The following TLK2 variants were observed in gnomAD, a reference collection of about 807,000 sequenced individuals.
TLK2 encodes the protein tousled like kinase 2.
A neutral mutation model predicts 117.3 loss-of-function variants in TLK2; 6 were observed. The observed-to-expected ratio is 0.05, with a 90% CI of 0.03 to 0.10. The LOEUF is 0.10. Ranked by LOEUF, TLK2 falls within the 10% of genes least tolerant of loss-of-function variation. The pLI is 1.00. For synonymous variants in TLK2, 257 were observed against 316.7 expected (o/e 0.81, Z 2.00); for missense variants, 299 against 901.2 (o/e 0.33, Z 8.56).
chr17:62,537,432 C>T (rs1424065067), intron 7 of TLK2, among the ~76,000 whole-genome samples: 6 of 152,174 alleles, frequency 3.9e-5, no homozygotes, highest in African/African-American at 1.2e-4. Context: ...TGTGAGCTGA[C>T]GCCACTGTCT....
At chr17:62,584,713 G>T (rs1028395652) in intron 15 of TLK2, among the ~76,000 whole-genome samples, 6 of 152,290 alleles carry the variant, frequency 3.9e-5, no homozygotes, top group South Asian at 2.1e-4. Context: ...TCTGAAGTGA[G>T]TGGTTTTTAT....
At chr17:62,481,036 T>C in intron 1 of TLK2, 85 bp from the exon 2 acceptor site, 1 of 1,267,386 alleles carries the variant, frequency 7.9e-7, no homozygotes, top group Non-Finnish European at 1.1e-6. Flanking sequence ...TTCAGTGAAA[T>C]AATTACTGTG....
At chr17:62,563,913 C>A (rs2079511475) in intron 10 of TLK2, among the ~76,000 whole-genome samples, 1 of 152,016 alleles carries the variant, frequency 6.6e-6, no homozygotes, top group African/African-American at 2.4e-5. Flanking sequence ...TTGTCTGGAT[C>A]CAAAGTTTGG....
chr17:62,554,165 T>C (rs940047497), intron 9 of TLK2, among the ~76,000 whole-genome samples: 1 of 152,230 alleles, frequency 6.6e-6, no homozygotes, highest in Non-Finnish European at 1.5e-5. Context: ...ACCCAAACTT[T>C]TTTGTGCTTA....
At chr17:62,568,396 C>CACTCCAG (rs2079973883) in intron 11 of TLK2, among the ~76,000 whole-genome samples, 1 of 140,518 alleles carries the variant, frequency 7.1e-6, no homozygotes, top group Non-Finnish European at 1.5e-5. Flanking sequence ...TGTGCCACTG[C>CACTCCAG]ACTCCAGGCT....
intron 19 of TLK2, among the ~76,000 whole-genome samples, chr17:62,602,765 G>A (rs1240218534): frequency 6.6e-6 from 1 of 152,090 alleles, no homozygotes; most frequent in Non-Finnish European, 1.5e-5. Context: ...TCTTCCCCTA[G>A]CCACCCGCAC....
intron 11 of TLK2, among the ~76,000 whole-genome samples, chr17:62,565,509 C>T (rs1476805436): frequency 6.6e-6 from 1 of 151,842 alleles, no homozygotes; most frequent in Non-Finnish European, 1.5e-5. Flanking sequence ...AAAAATTAGC[C>T]AGGCGTGGTG....
At chr17:62,580,958 C>T (rs977785629) in intron 15 of TLK2, among the ~76,000 whole-genome samples, 12 of 152,076 alleles carry the variant, frequency 7.9e-5, no homozygotes, top group South Asian at 4.1e-4. Flanking sequence ...CAAATAAAAA[C>T]GGTAAAACTA....
intron 10 of TLK2, among the ~76,000 whole-genome samples, chr17:62,560,803 G>A (rs568551616): frequency 1.6e-4 from 25 of 151,844 alleles, no homozygotes; most frequent in African/African-American, 5.3e-4. Flanking sequence ...ATAGGCGTGC[G>A]CCACCATGCC....
At chr17:62,493,091 C>T (rs948656058) in intron 2 of TLK2, among the ~76,000 whole-genome samples, 13 of 152,012 alleles carry the variant, frequency 8.6e-5, no homozygotes, top group Admixed American at 3.9e-4. Context: ...AGCAAGACTC[C>T]GTCTCAAAAA....
At chr17:62,571,017 G>C (rs2080243710) in intron 11 of TLK2, among the ~76,000 whole-genome samples, 1 of 152,154 alleles carries the variant, frequency 6.6e-6, no homozygotes, top group Non-Finnish European at 1.5e-5. Flanking sequence ...CCCCTGAAAA[G>C]GGTAGAAATG....
chr17:62,591,300 T>C (rs1167863968), intron 16 of TLK2, among the ~76,000 whole-genome samples: 2 of 151,772 alleles, frequency 1.3e-5, no homozygotes, highest in Non-Finnish European at 1.5e-5. Context: ...CTGTAAAATA[T>C]GAAGAAAAGT....
intron 8 of TLK2, among the ~76,000 whole-genome samples, chr17:62,552,904 C>G (rs1193635929): frequency 6.6e-6 from 1 of 152,116 alleles, no homozygotes; most frequent in Non-Finnish European, 1.5e-5. Flanking sequence ...TATTCCTTTT[C>G]CTGCTTACTT....
intron 11 of TLK2, among the ~76,000 whole-genome samples, chr17:62,569,717 G>T (rs575146430): frequency 6.6e-6 from 1 of 152,076 alleles, no homozygotes; most frequent in African/African-American, 2.4e-5. Context: ...GTGAGCCACC[G>T]CGCCCGGCCA....
chr17:62,574,666 C>G (rs1345683596), intron 12 of TLK2, among the ~76,000 whole-genome samples: 1 of 152,074 alleles, frequency 6.6e-6, no homozygotes, highest in African/African-American at 2.4e-5. Context: ...CAGGCGTGCA[C>G]CACCATGCCC....
At chr17:62,480,045 C>A (rs2071440361) in intron 1 of TLK2, among the ~76,000 whole-genome samples, 2 of 152,218 alleles carry the variant, frequency 1.3e-5, no homozygotes, top group East Asian at 3.8e-4. Context: ...GTGGGTGAAA[C>A]TTTAATTTGT....
At chr17:62,568,933 G>C (rs1334433858) in intron 11 of TLK2, among the ~76,000 whole-genome samples, 1 of 152,076 alleles carries the variant, frequency 6.6e-6, no homozygotes, top group Non-Finnish European at 1.5e-5. Flanking sequence ...ATAAACATTA[G>C]ATCTTCTTTA....
chr17:62,551,775 G>T (rs2078483869), intron 7 of TLK2: 1 of 157,598 alleles, frequency 6.3e-6, no homozygotes, highest in South Asian at 1.8e-4. Flanking sequence ...TTATATTGTG[G>T]AACCTAAACC....
chr17:62,474,047 C>CA (rs1300296997), upstream of TLK2, among the ~76,000 whole-genome samples: 1 of 152,082 alleles, frequency 6.6e-6, no homozygotes. Context: ...GAGCATATGG[C>CA]AACATGCGCA....
Sources: gnomAD v4.1 joint callset for allele counts (sites outside exome capture counted in the v4.1 genomes callset) on GRCh38, gnomAD v4.1.1 for gene constraint, MANE v1.5 for transcripts, NCBI Gene and HGNC (gene_info 2026-07-23, HGNC 2026-07-21) for gene names.